The following SNX17 variants were observed in gnomAD, a reference collection of about 807,000 sequenced individuals.
SNX17 encodes the protein sorting nexin 17.
SNX17 carries 35 observed loss-of-function variants against 64.3 expected under a neutral mutation model. The ratio of observed to expected loss-of-function variants is 0.54; its 90% CI spans 0.42 to 0.72. The LOEUF is 0.72. Among genes scored for constraint, SNX17 ranks in the 30% least tolerant of loss-of-function variants. The pLI is 0.00. For missense variants in SNX17, 538 were observed against 610.0 expected (o/e 0.88, Z 1.24); for synonymous variants, 259 against 230.2 (o/e 1.13, Z -1.13).
intron 2 of SNX17, 112 bp downstream of exon 2, chr2:27,371,455 A>G (rs1033003928): frequency 5.5e-6 from 8 of 1,453,320 alleles, no homozygotes; most frequent in Non-Finnish European, 7.2e-6. Flanking sequence ...TTCCCCTTTA[A>G]TCACTGCCAC....
At chr2:27,373,466 G>A (rs1199960825) in intron 4 of SNX17, 155 bp downstream of exon 4, 8 of 702,230 alleles carry the variant, frequency 1.1e-5, no homozygotes, top group Non-Finnish European at 1.9e-5. Context: ...GGATTCAAGC[G>A]ATTCTCCTGC....
chr2:27,371,166 A>C, intron 1 of SNX17, 103 bp from the exon 2 acceptor site: 2 of 1,001,842 alleles, frequency 2.0e-6, no homozygotes, highest in Non-Finnish European at 3.1e-6. Flanking sequence ...TCGGGAGATT[A>C]GCGCGTTACT....
At position 27,377,363 on chromosome 2, in the gene SNX17, A is replaced by T; in HGVS notation, c.*644A>T. The stretch of plus-strand genomic sequence containing the variant: ...TGGAGGTGAATACAGGGCCCTTCTC[A>T]CTGAGCTCGTGAAGTGCCTCAGTCA... On this transcript the variant is annotated 3_prime_UTR_variant, in exon 15 of 15. Transcript: ENST00000233575. The surrounding 1 kb of genome is among the most constrained non-coding windows in gnomAD (Gnocchi z 4.4). 1 of 730,432 alleles carries T rather than the reference A, an allele frequency of 1.4e-6. No homozygotes were observed. The highest frequency in any genetic ancestry group is 2.4e-6 in the Non-Finnish European group (1 of 411,098). 45.2% of individuals were successfully genotyped at this position (730,432 alleles called of 1,614,324 possible). A position where few individuals can be genotyped will look rare whatever the true frequency, so the allele number is the denominator to read the frequency against.
At chr2:27,371,175 C>A in intron 1 of SNX17, 94 bp from the exon 2 acceptor site, 1 of 1,120,854 alleles carries the variant, frequency 8.9e-7, no homozygotes, top group Non-Finnish European at 1.3e-6. Flanking sequence ...TAGCGCGTTA[C>A]TCCGGCGAGT....
At chr2:27,376,242 A>G (rs1034333752) in intron 12 of SNX17, 59 bp downstream of exon 12, 16 of 1,612,656 alleles carry the variant, frequency 9.9e-6, no homozygotes, top group African/African-American at 2.7e-5. Flanking sequence ...CTTTTGTCCT[A>G]GATGTGAGGC....
At position 27,375,688 on chromosome 2, in the gene SNX17, A is replaced by C. The variant is rs760990026; in HGVS notation, c.957A>C (p.Arg319=). Residue 319 remains arginine, a synonymous_variant, in exon 10 of 15, where the codon CGA becomes CGC. Transcript: ENST00000233575. This position sits in a 1 kb window ranked among gnomAD's most constrained non-coding sequence, Gnocchi z 4.1. ...GCTCCTTCCGGGTCACCCGCATGCG[A>C]TGCTGGCGGGTCACCTCCTCTGTGA... The part of the protein sequence containing the change: ...REGSFRVTRM[R]CWRVTSSVPL... The C allele has an allele frequency of 3.7e-6, 6 of 1,613,944 alleles. No homozygotes were observed. The highest frequency in any genetic ancestry group is 5.1e-6 in the Non-Finnish European group (6 of 1,179,992).
At position 27,375,781 on chromosome 2, in the gene SNX17, A is replaced by G; in HGVS notation, c.979-65A>G. On this transcript the variant is annotated intron_variant, in intron 10 of 14. Transcript: ENST00000233575. The surrounding 1 kb of genome is among the most constrained non-coding windows in gnomAD (Gnocchi z 4.1). Reference sequence around the variant, plus strand: ...AGCCTTGAGCTTAGGTATGGGCTGCAGCGGGTCAGGGAGCCAGACAGGTTG... The same window carrying G: ...AGCCTTGAGCTTAGGTATGGGCTGCGGCGGGTCAGGGAGCCAGACAGGTTG... 6.2e-7 allele frequency: 1 copy of G among 1,610,292 alleles called. No individual in the cohort carries two copies. The highest frequency in any genetic ancestry group is 8.5e-7 in the Non-Finnish European group (1 of 1,177,932).
rs752180991 is a variant in SNX17, at chr2:27,376,365, C to T, written c.1235C>T (p.Ala412Val). 1.2e-6 allele frequency: 2 copies of T among 1,613,354 alleles called. No homozygotes were observed. Among genetic ancestry groups the T allele is most frequent in the East Asian group, 4.5e-5 (2 of 44,838 alleles). ...CTGAGACGCTCAGACAGCCAGCAAG[C>T]AGTGAAGTCCCCACCACTGCTTGTA... The part of the protein sequence containing the change: ...GTLRRSDSQQ[A>V]VKSPPLLESP... Residue 412 changes from alanine to valine, a missense_variant, in exon 13 of 15, where the codon GCA (alanine) becomes GTA (valine). This residue lies in a region of SNX17 where 505 missense variants were observed against 550.4 expected (regional missense o/e 0.92). Coordinates refer to ENST00000233575, the MANE Select transcript of SNX17 (RefSeq NM_014748.4).
At chr2:27,371,187 G>A in intron 1 of SNX17, 82 bp from the exon 2 acceptor site, 1 of 1,281,910 alleles carries the variant, frequency 7.8e-7, no homozygotes, top group Non-Finnish European at 1.1e-6. Flanking sequence ...CCGGCGAGTT[G>A]CCAGGCAACT....
chr2:27,374,675 C>G lies in SNX17; in HGVS notation c.612-14C>G. 6.2e-7 allele frequency: 1 copy of G among 1,613,916 alleles called. No individual in the cohort carries two copies. The highest frequency in any genetic ancestry group is 8.5e-7 in the Non-Finnish European group (1 of 1,179,816). ...CTTAGCCCCATTACCCCTTTCCACC[C>G]CTTGGCCTCACAGTTATTGGGACTC... On this transcript the variant is annotated splice_polypyrimidine_tract_variant and intron_variant, in intron 7 of 14. Coordinates refer to ENST00000233575, the MANE Select transcript of SNX17 (RefSeq NM_014748.4).
chr2:27,371,615 A>C (rs1682557692), intron 2 of SNX17: 1 of 377,800 alleles, frequency 2.6e-6, no homozygotes, highest in East Asian at 5.7e-5. Context: ...GCATGGACAA[A>C]CCAACCCCTC....
At position 27,376,786 on chromosome 2, in the gene SNX17, TCCC is replaced by T; in HGVS notation, c.*70_*72del. On this transcript the variant is annotated 3_prime_UTR_variant, in exon 15 of 15. Transcript: ENST00000233575. ...TACAGAAACTTGCCCTGTGCCTGTGTCCCCCATGCTAGGGGCGGAGGGGTCTTT... is the reference window on the plus strand; with the variant it reads ...TACAGAAACTTGCCCTGTGCCTGTGTCCATGCTAGGGGCGGAGGGGTCTTT... 7.3e-7 allele frequency: 1 copy of T among 1,371,402 alleles called. No individual in the cohort carries two copies. The highest frequency in any genetic ancestry group is 1.0e-6 in the Non-Finnish European group (1 of 968,824). 85.0% of individuals were successfully genotyped at this position (1,371,402 alleles called of 1,614,324 possible).
In SNX17 at chr2:27,376,779, G is replaced by A. The variant is rs1232759723; in HGVS notation, c.*60G>A. ...AGGAATTTACAGAAACTTGCCCTGT[G>A]CCTGTGTCCCCCATGCTAGGGGCGG... is the stretch of plus-strand genomic sequence containing the variant. On this transcript the variant is annotated 3_prime_UTR_variant, in exon 15 of 15. Coordinates refer to ENST00000233575, the MANE Select transcript of SNX17 (RefSeq NM_014748.4). 2.8e-6 allele frequency: 4 copies of A among 1,436,176 alleles called. No individual in the cohort carries two copies. The highest frequency in any genetic ancestry group is 3.9e-6 in the Non-Finnish European group (4 of 1,025,424). 89.0% of individuals were successfully genotyped at this position (1,436,176 alleles called of 1,614,324 possible). A position where few individuals can be genotyped will look rare whatever the true frequency, so the allele number is the denominator to read the frequency against.
At chr2:27,373,577 G>T (rs1682856342) in intron 4 of SNX17, 1 of 536,346 alleles carries the variant, frequency 1.9e-6, no homozygotes, top group Admixed American at 3.2e-5. Flanking sequence ...TGGCCTGGCT[G>T]GTCTCGAACT....
chr2:27,374,945 C>A, intron 8 of SNX17, 116 bp from the exon 9 acceptor site: 1 of 1,028,194 alleles, frequency 9.7e-7, no homozygotes, highest in Non-Finnish European at 1.5e-6. Flanking sequence ...GGACTTACTG[C>A]AGAGAGGTCG....
At chr2:27,371,056 C>T (rs568441512) in intron 1 of SNX17, among the ~76,000 whole-genome samples, 1 of 152,374 alleles carries the variant, frequency 6.6e-6, no homozygotes, top group East Asian at 1.9e-4. Flanking sequence ...GCGTCACTGG[C>T]CTCTTGGGCA....
chr2:27,373,496 A>G (rs1216788913), intron 4 of SNX17, 185 bp downstream of exon 4: 2 of 601,602 alleles, frequency 3.3e-6, no homozygotes, highest in Non-Finnish European at 5.8e-6. Flanking sequence ...CCAAGTAGCT[A>G]GAATTACAGG....
chr2:27,373,363 C>T, intron 4 of SNX17, 52 bp downstream of exon 4: 1 of 1,585,650 alleles, frequency 6.3e-7, no homozygotes, highest in Non-Finnish European at 8.7e-7. Context: ...GCTGGAAGGT[C>T]ATGTCTTTTA....
chr2:27,375,563 G>GTGGC lies in SNX17; in HGVS notation c.835_838dup (p.Asp280GlyfsTer2). 1 of 1,614,228 alleles carries GTGGC rather than the reference G, an allele frequency of 6.2e-7. No individual in the cohort carries two copies. The highest frequency in any genetic ancestry group is 8.5e-7 in the Non-Finnish European group (1 of 1,180,042). On this transcript the variant is annotated frameshift_variant, in exon 10 of 15. Coordinates refer to ENST00000233575, the MANE Select transcript of SNX17 (RefSeq NM_014748.4). LOFTEE classifies it high-confidence loss of function. This position sits in a 1 kb window ranked among gnomAD's most constrained non-coding sequence, Gnocchi z 4.1. ...TGGCTACTTGCGCTTTGATGCCTGT[G>GTGGC]TGGCTGACTTCCCAGAAAAGGACTG...
Sources: gnomAD v4.1 joint callset for allele counts (sites outside exome capture counted in the v4.1 genomes callset) on GRCh38, gnomAD v4.1.1 for gene constraint, gnomAD v4.1.1 regional missense constraint, Gnocchi (gnomAD v3.1) non-coding constraint, MANE v1.5 for transcripts, NCBI Gene and HGNC (gene_info 2026-07-23, HGNC 2026-07-21) for gene names.